Variants in PDXDC1 observed in about 807,000 individuals in gnomAD.
The protein encoded by PDXDC1 is pyridoxal-dependent decarboxylase domain-containing protein 1.
Under a neutral mutation model 100.1 loss-of-function variants are expected in PDXDC1, and 42 were observed. That is an observed-to-expected ratio of 0.42 (90% CI 0.33 to 0.54). The LOEUF is 0.54. Among genes scored for constraint, PDXDC1 ranks in the 20% least tolerant of loss-of-function variants. The pLI is 0.10. For missense variants in PDXDC1, 636 were observed against 979.2 expected, an observed-to-expected ratio of 0.65 and a Z score of 4.68; for synonymous variants, 260 against 371.7, an observed-to-expected ratio of 0.70 and a Z score of 3.46.
At chr16:14,979,651 T>C (rs1293559144) in intron 1 of PDXDC1, among the ~76,000 whole-genome samples, 1 of 152,296 alleles carries the variant, frequency 6.6e-6, no homozygotes, top group Non-Finnish European at 1.5e-5. Flanking sequence ...GTTTCTGACC[T>C]AAATCAGCAC....
the PDXDC1 span, among the ~76,000 whole-genome samples, chr16:15,145,777 C>T: frequency 1.3e-5 from 2 of 152,268 alleles, no homozygotes; most frequent in African/African-American, 2.4e-5. Context: ...ACGCCCCCGC[C>T]GCTGTGCCCG....
chr16:15,041,604 G>A, downstream of PDXDC1: 1 of 1,593,334 alleles, frequency 6.3e-7, no homozygotes, highest in Non-Finnish European at 8.6e-7. Flanking sequence ...TTTGCTTTGG[G>A]GCAAATGGCA....
intron 16 of PDXDC1, chr16:15,132,617 C>A (rs1165685004): frequency 2.6e-6 from 2 of 781,792 alleles, no homozygotes; most frequent in Non-Finnish European, 2.1e-6. Context: ...GGAGCCCAGG[C>A]TGGAGGCTCA....
At chr16:14,995,072 C>G (rs1403768655) in intron 1 of PDXDC1, among the ~76,000 whole-genome samples, 2 of 152,298 alleles carry the variant, frequency 1.3e-5, no homozygotes, top group Non-Finnish European at 2.9e-5. Flanking sequence ...GATATACAAT[C>G]ATGTCATCTG....
At chr16:15,125,877 T>A (rs1459248682) in intron 16 of PDXDC1, 2 of 759,600 alleles carry the variant, frequency 2.6e-6, no homozygotes, top group Non-Finnish European at 2.3e-6. Context: ...AGAAGCCACC[T>A]CCTCAGCAGA....
At chr16:15,008,964 G>A in intron 7 of PDXDC1, 117 bp downstream of exon 7, 1 of 1,021,218 alleles carries the variant, frequency 9.8e-7, no homozygotes, top group Admixed American at 1.9e-5. Flanking sequence ...GTATTGCTTG[G>A]ATCCTTACAT....
Position 15,049,691 on chromosome 16 carries a change from G to A in PDXDC1, c.1399+19635G>A, listed in dbSNP as rs146864278. Among the ~76,000 whole-genome samples the A allele has an allele frequency of 5.8e-3, 885 of 152,222 alleles. 4 individuals are homozygous for A. Among genetic ancestry groups the A allele is most frequent in the South Asian group, 0.018 (87 of 4,820 alleles). On this transcript the variant is annotated intron_variant, in intron 16 of 16. Coordinates refer to the PDXDC1 transcript ENST00000535621. ...TCCACCTGCCTTGGCCTCCCAAGGT[G>A]CTGGGATTATAGCATGAGCCACCAT...
chr16:15,003,405 A>T (rs1007782729), intron 4 of PDXDC1, among the ~76,000 whole-genome samples: 1 of 152,138 alleles, frequency 6.6e-6, no homozygotes, highest in Non-Finnish European at 1.5e-5. Flanking sequence ...TTTAGTAGAG[A>T]TGGGGTTTCA....
chr16:15,038,732 A>G (rs1444142968), downstream of PDXDC1: 1 of 1,050,238 alleles, frequency 9.5e-7, no homozygotes, highest in Non-Finnish European at 1.5e-6. Flanking sequence ...AATGTCACCC[A>G]CTTTTCAAAC....
At chr16:15,029,552 C>T (rs1450163815) in intron 15 of PDXDC1, 7 of 371,878 alleles carry the variant, frequency 1.9e-5, no homozygotes, top group African/African-American at 6.1e-5. Context: ...AGGAACTGGT[C>T]ATAAACGAAA....
At chr16:15,094,375 C>A in intron 16 of PDXDC1, 1 of 734,488 alleles carries the variant, frequency 1.4e-6, no homozygotes, top group South Asian at 1.6e-5. Flanking sequence ...ATGCTCTCGG[C>A]GGGCTAGAGC....
intron 1 of PDXDC1, among the ~76,000 whole-genome samples, chr16:14,996,920 GACTC>G (rs1354057071): frequency 6.6e-6 from 1 of 152,296 alleles, no homozygotes; most frequent in African/African-American, 2.4e-5. Context: ...AAACGAAGCT[GACTC>G]ACTTTGTTAT....
chr16:15,038,828 T>C, downstream of PDXDC1: 1 of 583,520 alleles, frequency 1.7e-6, no homozygotes, highest in Non-Finnish European at 3.0e-6. Flanking sequence ...TAACAAAAGC[T>C]GCCAGCTACT....
chr16:15,099,065 G>A (rs1001794160), intron 16 of PDXDC1, among the ~76,000 whole-genome samples: 35 of 152,118 alleles, frequency 2.3e-4, no homozygotes, highest in African/African-American at 8.5e-4. Context: ...TTTTCCCAAA[G>A]CACAGCTAAG....
downstream of PDXDC1, among the ~76,000 whole-genome samples, chr16:15,143,093 T>TG (rs1205535769): frequency 6.6e-6 from 1 of 152,028 alleles, no homozygotes; most frequent in African/African-American, 2.4e-5. Flanking sequence ...TACACCCCCA[T>TG]GGGGGGCAGG....
At chr16:15,063,348 G>C in intron 16 of PDXDC1, 1 of 1,212,126 alleles carries the variant, frequency 8.2e-7, no homozygotes, top group South Asian at 1.2e-5. Context: ...AATTGGTTTG[G>C]ATCTTTTCTC....
intron 16 of PDXDC1, chr16:15,128,405 G>T (rs755965206): frequency 2.7e-6 from 4 of 1,458,254 alleles, no homozygotes; most frequent in Non-Finnish European, 3.8e-6. Flanking sequence ...GGGCAAGAGG[G>T]AGGGGTGGGA....
chr16:15,008,583 T>A (rs2040987863), intron 6 of PDXDC1, among the ~76,000 whole-genome samples, 196 bp from the exon 7 acceptor site: 1 of 150,568 alleles, frequency 6.6e-6, no homozygotes, highest in Non-Finnish European at 1.5e-5. Flanking sequence ...ATAAGGCACT[T>A]GGAAATTCAC....
rs752494022 is a variant in PDXDC1, at chr16:15,110,680, C to A, written c.1400-28199C>A. On this transcript the variant is annotated intron_variant, in intron 16 of 16. Transcript: ENST00000535621. ...GAAGCTGTTCTTTCCCTTTCCAGGGCAAACTCATTTCCACACTATGGGGAC... is the reference window on the plus strand; with the variant it reads ...GAAGCTGTTCTTTCCCTTTCCAGGGAAAACTCATTTCCACACTATGGGGAC... 3.3e-5 allele frequency: 52 copies of A among 1,586,442 alleles called. No individual in the cohort carries two copies. In the East Asian group the frequency reaches 1.1e-3, roughly 34 times the overall value.
Sources: gnomAD v4.1 joint callset for allele counts (sites outside exome capture counted in the v4.1 genomes callset) on GRCh38, gnomAD v4.1.1 for gene constraint, MANE v1.5 for transcripts, NCBI Gene and HGNC (gene_info 2026-07-23, HGNC 2026-07-21) for gene names.